ANK2: variants seen among roughly 807,000 people sequenced by gnomAD.
ANK2 encodes ankyrin-2.
A neutral mutation model predicts 360.5 loss-of-function variants in ANK2; 83 were observed. The observed-to-expected ratio is 0.23, with a 90% confidence interval of 0.19 to 0.28. The LOEUF (loss-of-function observed/expected upper bound fraction) is 0.28. Ranked by LOEUF, ANK2 falls within the 10% of genes least tolerant of loss-of-function variation. The probability of loss-of-function intolerance (pLI) is 1.00; values close to 1 mark genes in which losing one functional copy is unlikely to be tolerated. For missense variants in ANK2, 4,201 were observed against 4,795.7 expected, an observed-to-expected ratio of 0.88 and a Z score of 3.66; for synonymous variants, 1,740 against 1,759.5, an observed-to-expected ratio of 0.99 and a Z score of 0.28.
intron 18 of ANK2, among the ~76,000 whole-genome samples, chr4:113,286,284 G>T (rs2064540012): frequency 6.6e-6 from 1 of 152,138 alleles, no homozygotes; most frequent in South Asian, 2.1e-4. Context: ...AATAATATTT[G>T]TTTAGAAGTG....
At chr4:113,255,255 A>G (rs1270982328) in intron 10 of ANK2, among the ~76,000 whole-genome samples, 1 of 152,244 alleles carries the variant, frequency 6.6e-6, no homozygotes, top group Non-Finnish European at 1.5e-5. Context: ...GTAAAATTTC[A>G]GAGGAACATG....
intron 2 of ANK2, among the ~76,000 whole-genome samples, chr4:113,183,704 A>T (rs1307516441): frequency 6.6e-6 from 1 of 152,062 alleles, no homozygotes; most frequent in East Asian, 1.9e-4. Flanking sequence ...GAGGAAGTTT[A>T]TAATTATTGG....
chr4:113,226,925 G>T (rs895641158), intron 4 of ANK2, among the ~76,000 whole-genome samples: 6 of 152,162 alleles, frequency 3.9e-5, no homozygotes, highest in African/African-American at 1.4e-4. Flanking sequence ...CCAAAAAGGA[G>T]AAAATGCATC....
At chr4:113,341,410 A>C (rs1057113084) in intron 32 of ANK2, among the ~76,000 whole-genome samples, 6 of 152,222 alleles carry the variant, frequency 3.9e-5, no homozygotes, top group Admixed American at 2.0e-4. Flanking sequence ...GTTTCCAAAA[A>C]AGAAAATTAG....
chr4:113,202,773 A>G (rs2098850159), intron 4 of ANK2, among the ~76,000 whole-genome samples: 1 of 152,254 alleles, frequency 6.6e-6, no homozygotes, highest in African/African-American at 2.4e-5. Context: ...GCCACATGAT[A>G]CAGTACCAAT....
chr4:112,844,373 T>C (rs1338800573), intron 1 of ANK2, among the ~76,000 whole-genome samples: 1 of 152,220 alleles, frequency 6.6e-6, no homozygotes, highest in African/African-American at 2.4e-5. Flanking sequence ...TATCATACAT[T>C]ATTACTTACA....
chr4:112,731,750 C>T, the ANK2 span, among the ~76,000 whole-genome samples: 96,050 of 151,642 alleles, frequency 0.63, 31,818 homozygotes, highest in East Asian at 0.92. Context: ...AAAAAAAGTA[C>T]ATATAGTAAC....
chr4:112,734,307 G>T, the ANK2 span, among the ~76,000 whole-genome samples: 1 of 152,304 alleles, frequency 6.6e-6, no homozygotes, highest in East Asian at 1.9e-4. Context: ...TCCCTAGCTG[G>T]CTCACTGATG....
Position 112,947,725 on chromosome 4 carries a change from T to C in ANK2, c.21+43211T>C, listed in dbSNP as rs79436798. On this transcript the variant is annotated intron_variant, in intron 2 of 30. Coordinates refer to the ANK2 transcript ENST00000503271. ...TCACTTTGAAACTTACTTAAAAATATTTACTACATGTTGTATGTCATTTGT... is the reference window on the plus strand; with the variant it reads ...TCACTTTGAAACTTACTTAAAAATACTTACTACATGTTGTATGTCATTTGT... Among the ~76,000 whole-genome samples the C allele has an allele frequency of 9.7e-3, 1,478 of 152,280 alleles. 20 individuals are homozygous for C. The highest frequency in any genetic ancestry group is 0.031 in the African/African-American group (1,287 of 41,544).
chr4:113,043,185 A>T (rs929922369), intron 2 of ANK2, among the ~76,000 whole-genome samples: 1 of 152,150 alleles, frequency 6.6e-6, no homozygotes, highest in African/African-American at 2.4e-5. Context: ...GCTGATGCTG[A>T]TGGTGTAACT....
intron 1 of ANK2, chr4:112,826,639 A>T (rs2058465334): frequency 6.2e-6 from 7 of 1,121,924 alleles, no homozygotes; most frequent in Non-Finnish European, 9.0e-6. Flanking sequence ...GGAGGCAGTG[A>T]AAAACGGGTG....
chr4:112,757,437 G>A, the ANK2 span, among the ~76,000 whole-genome samples: 1 of 152,138 alleles, frequency 6.6e-6, no homozygotes, highest in Non-Finnish European at 1.5e-5. Flanking sequence ...TTTCTCATCA[G>A]TAACTGTCAA....
At chr4:113,200,172 A>G (rs772326728) in intron 4 of ANK2, among the ~76,000 whole-genome samples, 26 of 152,194 alleles carry the variant, frequency 1.7e-4, no homozygotes, top group Non-Finnish European at 2.9e-4. Flanking sequence ...ATGCACATCA[A>G]TGTTTTAATA....
intron 1 of ANK2, among the ~76,000 whole-genome samples, chr4:112,874,622 G>A (rs1225063528): frequency 1.5e-5 from 2 of 133,468 alleles, no homozygotes; most frequent in African/African-American, 2.9e-5. Context: ...AGCTGGGTGC[G>A]ACAGAGGAAG....
rs2293324 is a variant in ANK2, at chr4:113,373,152, T to C, written c.11673T>C (p.His3891=). The part of the protein sequence containing the change: ...TVTEEEYIDE[H]GHTVVKKVTR... ...CAGAAGAAGAATACATTGATGAGCA[T>C]GGACACACCGTGGTAAAGAAGGTAT... The change falls in exon 44 of 46, where the codon CAT becomes CAC. Residue 3891 remains histidine, a synonymous_variant. Coordinates refer to ENST00000357077, the MANE Select transcript of ANK2 (RefSeq NM_001148.6). 286,511 of 1,613,360 alleles carry C rather than the reference T, an allele frequency of 0.18. 35,006 individuals are homozygous for C. Among genetic ancestry groups the C allele is most frequent in the African/African-American group, 0.65 (48,470 of 74,912 alleles).
At chr4:112,875,907 A>G (rs1427191284) in intron 1 of ANK2, among the ~76,000 whole-genome samples, 1 of 149,946 alleles carries the variant, frequency 6.7e-6, no homozygotes, top group African/African-American at 2.5e-5. Flanking sequence ...CTCCCTGGCT[A>G]ATTTTTCTTT....
intron 37 of ANK2, among the ~76,000 whole-genome samples, chr4:113,351,929 A>G (rs2095437521): frequency 6.6e-6 from 1 of 152,226 alleles, no homozygotes. Context: ...AAGTCTTTTT[A>G]TCAGTACATT....
At position 113,020,549 on chromosome 4, in the gene ANK2, C is replaced by T. The variant is rs374453603; in HGVS notation, c.21+116035C>T. Among the ~76,000 whole-genome samples the T allele has an allele frequency of 5.3e-5, 8 of 152,024 alleles. No individual in the cohort carries two copies. The East Asian group carries it at 1.3e-3, about 26-fold the overall frequency. Reference sequence around the variant, plus strand: ...TCTGATCAAAATCTACCAAAATGGCCGGCTGCGCTGGCTCACGCCTGTAAT... The same window carrying T: ...TCTGATCAAAATCTACCAAAATGGCTGGCTGCGCTGGCTCACGCCTGTAAT... On this transcript the variant is annotated intron_variant, in intron 2 of 30. Coordinates refer to the ANK2 transcript ENST00000503271.
chr4:113,212,024 G>A (rs1199257491), intron 4 of ANK2, among the ~76,000 whole-genome samples: 1 of 152,078 alleles, frequency 6.6e-6, no homozygotes, highest in African/African-American at 2.4e-5. Flanking sequence ...ATCCTGAAAA[G>A]CGTGACAATA....
Sources: gnomAD v4.1 joint callset for allele counts (sites outside exome capture counted in the v4.1 genomes callset) on GRCh38, gnomAD v4.1.1 for gene constraint, MANE v1.5 for transcripts, NCBI Gene and HGNC (gene_info 2026-07-23, HGNC 2026-07-21) for gene names.